SMAD6: variants seen among roughly 807,000 people sequenced by gnomAD.
The protein encoded by SMAD6 is SMAD family member 6.
A neutral mutation model predicts 39.4 loss-of-function variants in SMAD6; 103 were observed. The observed-to-expected ratio is 2.62, with a 90% CI of 2.23 to 3.08. The LOEUF is 3.08. SMAD6 is among the 30% of genes most tolerant of loss of function. SMAD6 has a pLI of 0.00. For missense variants in SMAD6, 1,104 were observed against 742.9 expected, an observed-to-expected ratio of 1.49 and a Z score of -5.65; for synonymous variants, 445 against 353.3, an observed-to-expected ratio of 1.26 and a Z score of -2.91.
intron 3 of SMAD6, among the ~76,000 whole-genome samples, chr15:66,778,297 G>T (rs1374292309): frequency 6.6e-6 from 1 of 152,014 alleles, no homozygotes; most frequent in East Asian, 1.9e-4. Flanking sequence ...GCCCATGCTG[G>T]GCTTAAACTC....
chr15:66,716,281 A>C, intron 2 of SMAD6, 140 bp from the exon 3 acceptor site: 1 of 662,508 alleles, frequency 1.5e-6, no homozygotes, highest in African/African-American at 1.8e-5. Context: ...GGGTGACATC[A>C]GAAAGTTGGG....
Position 66,703,360 on chromosome 15 carries a change from C to T in SMAD6, c.102C>T (p.Asp34=), listed in dbSNP as rs1197212804. Residue 34 remains aspartate (D), a synonymous_variant, in exon 1 of 4, where the codon GAC becomes GAT. Transcript: ENST00000288840. ...GCAGCGGCGGCGGCGGTGGCGGCGA[C>T]GAGGATGGGAGCTTGGGCAGCCGAG... is the stretch of plus-strand genomic sequence containing the variant. ...EGGSGGGGGG[D]EDGSLGSRAE... is the part of the protein sequence containing the mutation. 1 of 1,477,432 alleles carries T rather than the reference C, an allele frequency of 6.8e-7. No individual in the cohort carries two copies. The highest frequency in any genetic ancestry group is 2.3e-4 in the Middle Eastern group (1 of 4,266). 91.5% of individuals were successfully genotyped at this position (1,477,432 alleles called of 1,614,324 possible). A position where few individuals can be genotyped will look rare whatever the true frequency, so the allele number is the denominator to read the frequency against.
At chr15:66,761,679 C>G (rs1317599967) in intron 3 of SMAD6, among the ~76,000 whole-genome samples, 1 of 152,188 alleles carries the variant, frequency 6.6e-6, no homozygotes, top group Non-Finnish European at 1.5e-5. Flanking sequence ...GATGAGTGAT[C>G]TCTGCTCTCT....
chr15:66,725,858 C>T (rs536187177), intron 3 of SMAD6, among the ~76,000 whole-genome samples: 24 of 152,254 alleles, frequency 1.6e-4, no homozygotes, highest in African/African-American at 4.3e-4. Context: ...CAGCAGGCAC[C>T]GCTGCAGAAC....
chr15:66,770,133 G>A (rs1047445011), intron 3 of SMAD6, among the ~76,000 whole-genome samples: 1 of 152,142 alleles, frequency 6.6e-6, no homozygotes, highest in African/African-American at 2.4e-5. Context: ...CGGCCGAGAA[G>A]GGCTTTCTTG....
At chr15:66,755,506 C>A (rs1216288229) in intron 3 of SMAD6, among the ~76,000 whole-genome samples, 1 of 152,182 alleles carries the variant, frequency 6.6e-6, no homozygotes, top group African/African-American at 2.4e-5. Flanking sequence ...ATTGAACCAT[C>A]CTTGAATGAC....
chr15:66,719,538 C>G (rs914602570), intron 3 of SMAD6, among the ~76,000 whole-genome samples: 1 of 152,236 alleles, frequency 6.6e-6, no homozygotes, highest in Admixed American at 6.5e-5. Context: ...ACGTCATCCC[C>G]AAACAGGGTG....
chr15:66,717,637 C>G, intron 3 of SMAD6: 3 of 362,268 alleles, frequency 8.3e-6, no homozygotes, highest in South Asian at 6.1e-5. Context: ...GAGCCTTTGC[C>G]TATCCATTCC....
chr15:66,770,126 C>T (rs79405897), intron 3 of SMAD6, among the ~76,000 whole-genome samples: 5,262 of 152,308 alleles, frequency 0.035, 135 homozygotes, highest in Admixed American at 0.077. Flanking sequence ...CTGCGCCCGG[C>T]CGAGAAGGGC....
At chr15:66,706,028 G>A (rs1376151419) in intron 1 of SMAD6, 2 of 152,612 alleles carry the variant, frequency 1.3e-5, no homozygotes, top group Non-Finnish European at 2.9e-5. Flanking sequence ...TGGAGACGAT[G>A]GACAGGACCA....
intron 3 of SMAD6, among the ~76,000 whole-genome samples, chr15:66,723,450 G>A (rs375009286): frequency 1.3e-5 from 2 of 152,320 alleles, no homozygotes; most frequent in East Asian, 1.9e-4. Context: ...GCTGAGGCAG[G>A]AGGATTGCTT....
chr15:66,765,045 A>T (rs923497570), intron 3 of SMAD6, among the ~76,000 whole-genome samples: 3 of 152,098 alleles, frequency 2.0e-5, no homozygotes, highest in African/African-American at 7.2e-5. Context: ...GCAAAGAGGG[A>T]TCACACTCCC....
At chr15:66,724,897 T>C (rs1893495608) in intron 3 of SMAD6, among the ~76,000 whole-genome samples, 1 of 152,100 alleles carries the variant, frequency 6.6e-6, no homozygotes, top group South Asian at 2.1e-4. Flanking sequence ...TCACTATACA[T>C]TGGCGGCCTG....
At chr15:66,758,172 ACT>A (rs1894136254) in intron 3 of SMAD6, among the ~76,000 whole-genome samples, 1 of 151,754 alleles carries the variant, frequency 6.6e-6, no homozygotes, top group South Asian at 2.1e-4. Flanking sequence ...GTTCTTGAAA[ACT>A]CTTTTTTATT....
chr15:66,750,671 G>C (rs1008250762), intron 3 of SMAD6, among the ~76,000 whole-genome samples: 1 of 152,174 alleles, frequency 6.6e-6, no homozygotes, highest in East Asian at 1.9e-4. Flanking sequence ...GTGCTGGGAA[G>C]GGAAGAGAAG....
chr15:66,735,428 C>G (rs910930420), intron 3 of SMAD6, among the ~76,000 whole-genome samples: 1 of 152,144 alleles, frequency 6.6e-6, no homozygotes, highest in Admixed American at 6.5e-5. Context: ...GATGTGAGGT[C>G]CTTCAGCCAA....
At chr15:66,741,274 C>T (rs1358764260) in intron 3 of SMAD6, 1 of 152,262 alleles carries the variant, frequency 6.6e-6, no homozygotes, top group Non-Finnish European at 1.5e-5. Context: ...CCAACCCTCC[C>T]TCATCTGCCA....
At chr15:66,750,175 G>A (rs1049210232) in intron 3 of SMAD6, among the ~76,000 whole-genome samples, 1 of 152,154 alleles carries the variant, frequency 6.6e-6, no homozygotes, top group African/African-American at 2.4e-5. Flanking sequence ...ATAGATAGCA[G>A]AGCAATGTGA....
chr15:66,731,436 T>G (rs1348764494), intron 3 of SMAD6, among the ~76,000 whole-genome samples: 1 of 43,602 alleles, frequency 2.3e-5, no homozygotes, highest in Non-Finnish European at 4.0e-5. Context: ...AGACTCCGTC[T>G]CAAAAAAAAA....
Sources: allele counts gnomAD v4.1 joint callset (sites outside exome capture counted in the v4.1 genomes callset), GRCh38; gene constraint gnomAD v4.1.1; transcripts MANE v1.5; gene names NCBI Gene and HGNC (gene_info 2026-07-23, HGNC 2026-07-21).